Variants in DHRS12 observed in about 807,000 individuals in gnomAD.
DHRS12 encodes the protein dehydrogenase/reductase 12, also known as dehydrogenase/reductase SDR family member 12.
In DHRS12, 29 loss-of-function variants were observed where a neutral mutation model predicts 32.1. That is an observed-to-expected ratio of 0.90 (90% CI 0.67 to 1.23). The LOEUF (loss-of-function observed/expected upper bound fraction) is 1.23. Among genes scored for constraint, DHRS12 ranks in the 50% most tolerant of loss-of-function variants. The probability of loss-of-function intolerance (pLI) is 0.00; values close to 1 mark genes in which losing one functional copy is unlikely to be tolerated. For missense variants in DHRS12, 330 were observed against 337.2 expected, an observed-to-expected ratio of 0.98 and a Z score of 0.17; for synonymous variants, 150 against 135.9, an observed-to-expected ratio of 1.10 and a Z score of -0.72.
intron 8 of DHRS12, chr13:51,768,583 C>T: frequency 8.0e-7 from 1 of 1,256,390 alleles, no homozygotes; most frequent in Non-Finnish European, 1.0e-6. Context: ...CCCCAGGGGT[C>T]ACCAGCGCTT....
At chr13:51,759,900 G>C in the DHRS12 span, 1 of 1,008,636 alleles carries the variant, frequency 9.9e-7, no homozygotes, top group Non-Finnish European at 1.5e-6. Context: ...TGAATTTGCA[G>C]ATTACCCATG....
At position 51,771,480 on chromosome 13, in the gene DHRS12, T is replaced by A. The variant is rs764154476; in HGVS notation, c.559+341A>T. ...GGCCTCTCCCACTACCTTCCTCAGC[T>A]CCTGCTCATTCCTGTCTGACGTGGA... On this transcript the variant is annotated intron_variant, in intron 7 of 8. Transcript: ENST00000444610. The A allele has an allele frequency of 1.2e-6, 2 of 1,614,144 alleles. No individual in the cohort carries two copies. The highest frequency in any genetic ancestry group is 3.3e-5 in the Admixed American group (2 of 60,016).
intron 4 of DHRS12, among the ~76,000 whole-genome samples, chr13:51,780,563 C>T (rs559753682): frequency 1.1e-4 from 16 of 152,306 alleles, no homozygotes; most frequent in South Asian, 4.2e-4. Context: ...CTCATTATGT[C>T]GATGGCGGTT....
intron 5 of DHRS12, 99 bp downstream of exon 5, chr13:51,776,961 T>C: frequency 1.5e-6 from 2 of 1,346,326 alleles, no homozygotes; most frequent in East Asian, 2.3e-5. Context: ...GTGGACAGAA[T>C]GGCCCCCTTA....
rs748982966 is a variant in DHRS12, at chr13:51,771,836, A to T, written c.544T>A (p.Trp182Arg). 2 of 1,614,162 alleles carry T rather than the reference A, an allele frequency of 1.2e-6. No individual in the cohort carries two copies. The highest frequency in any genetic ancestry group is 2.2e-5 in the South Asian group (2 of 91,086). Residue 182 changes from tryptophan (W) to arginine (R), a missense_variant, in exon 7 of 9, where the codon TGG becomes AGG. Coordinates refer to ENST00000444610, the MANE Select transcript of DHRS12 (RefSeq NM_001377533.1). ...TATGACATACCTGGGGTGTCGGCCC[A>T]GCCAGGATGCATGGAAGAAAAATGG... ...AIHFSSMHPG[W>R]ADTPGVRQAM...
chr13:51,763,465 C>T (rs1438023251), downstream of DHRS12: 1 of 152,214 alleles, frequency 6.6e-6, no homozygotes, highest in Non-Finnish European at 1.5e-5. Context: ...ACAGCACTGC[C>T]CTTATGGAAT....
chr13:51,797,961 C>T (rs1593568163), intron 2 of DHRS12: 1 of 1,496,000 alleles, frequency 6.7e-7, no homozygotes, highest in Non-Finnish European at 9.0e-7. Context: ...CTACAGAAAC[C>T]AGCTCTTCCT....
intron 4 of DHRS12, among the ~76,000 whole-genome samples, chr13:51,787,018 C>T (rs987243945): frequency 6.6e-6 from 1 of 152,162 alleles, no homozygotes; most frequent in African/African-American, 2.4e-5. Context: ...CTCTGTATCT[C>T]CTTCTCTCTC....
chr13:51,777,174 G>A (rs1176357370), intron 4 of DHRS12, 53 bp from the exon 5 acceptor site: 1 of 1,606,956 alleles, frequency 6.2e-7, no homozygotes, highest in African/African-American at 1.3e-5. Context: ...CCCAACTCAA[G>A]GGGTCCTGCA....
chr13:51,800,295 AG>A (rs1342961711), intron 1 of DHRS12, among the ~76,000 whole-genome samples: 11 of 152,370 alleles, frequency 7.2e-5, no homozygotes, highest in Admixed American at 4.6e-4. Flanking sequence ...ATTGCAGAAG[AG>A]GTATTTTTTC....
the DHRS12 span, among the ~76,000 whole-genome samples, chr13:51,757,004 A>T: frequency 6.6e-6 from 1 of 152,178 alleles, no homozygotes; most frequent in East Asian, 1.9e-4. Context: ...GGGCAAATCT[A>T]TGTTATCTCT....
chr13:51,779,509 G>T (rs2139081137), intron 4 of DHRS12, among the ~76,000 whole-genome samples: 1 of 152,322 alleles, frequency 6.6e-6, no homozygotes. Context: ...AGAAGAGTGT[G>T]AAAATGGAAT....
intron 4 of DHRS12, 80 bp downstream of exon 4, chr13:51,789,931 G>A (rs1175277511): frequency 1.4e-6 from 2 of 1,457,740 alleles, no homozygotes; most frequent in African/African-American, 2.9e-5. Flanking sequence ...CAAAAAAGTT[G>A]GTCAATTTTT....
intron 1 of DHRS12, 88 bp downstream of exon 1, chr13:51,803,966 G>A: frequency 2.5e-6 from 3 of 1,215,502 alleles, no homozygotes; most frequent in Non-Finnish European, 2.1e-6. Flanking sequence ...CGAAGGAGCC[G>A]CGGGCGCGTC....
intron 8 of DHRS12, chr13:51,768,531 T>C: frequency 7.2e-7 from 1 of 1,387,168 alleles, no homozygotes; most frequent in Non-Finnish European, 9.3e-7. Flanking sequence ...GAGACCACGT[T>C]TGGGTGATCA....
chr13:51,802,752 C>A (rs1484532767), intron 1 of DHRS12, among the ~76,000 whole-genome samples: 2 of 152,220 alleles, frequency 1.3e-5, no homozygotes, highest in Admixed American at 6.5e-5. Context: ...CTCTCCTATT[C>A]ACTAAATCCA....
intron 4 of DHRS12, among the ~76,000 whole-genome samples, chr13:51,784,320 A>G (rs911752412): frequency 1.3e-5 from 2 of 152,316 alleles, no homozygotes; most frequent in African/African-American, 2.4e-5. Context: ...AGGGGAAGGA[A>G]TGTGTCCAGC....
At chr13:51,758,170 A>C in the DHRS12 span, 11 of 1,531,860 alleles carry the variant, frequency 7.2e-6, no homozygotes, top group East Asian at 2.3e-5. Flanking sequence ...TTCCCCTCAG[A>C]AGCTTTCTTT....
At chr13:51,800,663 C>T (rs1955711555) in intron 1 of DHRS12, among the ~76,000 whole-genome samples, 1 of 152,246 alleles carries the variant, frequency 6.6e-6, no homozygotes, top group South Asian at 2.1e-4. Context: ...GGCCTCCTGC[C>T]CCATGCCCTG....
Sources: allele counts gnomAD v4.1 joint callset (sites outside exome capture counted in the v4.1 genomes callset), GRCh38; gene constraint gnomAD v4.1.1; transcripts MANE v1.5; gene names NCBI Gene and HGNC (gene_info 2026-07-23, HGNC 2026-07-21).